The following CSMD1 variants were observed in gnomAD, a reference collection of about 807,000 sequenced individuals.
CSMD1 encodes CUB and sushi domain-containing protein 1.
CSMD1 carries 213 observed loss-of-function variants against 417.5 expected under a neutral mutation model. The ratio of observed to expected loss-of-function variants is 0.51; its 90% CI spans 0.46 to 0.57. The LOEUF is 0.57. Among genes scored for constraint, CSMD1 ranks in the 20% least tolerant of loss-of-function variants. The pLI, the probability that CSMD1 is intolerant of heterozygous loss-of-function variation, is 0.00. For missense variants in CSMD1, 6,923 were observed against 4,529.7 expected (o/e 1.53, Z -15.17); for synonymous variants, 2,862 against 1,736.8 (o/e 1.65, Z -16.11).
At chr8:4,561,783 T>A (rs182279349) in intron 2 of CSMD1, among the ~76,000 whole-genome samples, 22 of 152,292 alleles carry the variant, frequency 1.4e-4, no homozygotes, top group Non-Finnish European at 2.4e-4. Context: ...GATCTCTCAT[T>A]TGACTTGATG....
intron 3 of CSMD1, among the ~76,000 whole-genome samples, chr8:4,121,975 G>T (rs10113089): frequency 6.6e-6 from 1 of 151,928 alleles, no homozygotes; most frequent in African/African-American, 2.4e-5. Flanking sequence ...TAATGCTTAT[G>T]TATAGATTTA....
At chr8:3,874,715 G>T (rs1011055427) in intron 5 of CSMD1, among the ~76,000 whole-genome samples, 3 of 152,124 alleles carry the variant, frequency 2.0e-5, no homozygotes, top group African/African-American at 7.2e-5. Flanking sequence ...AATGCGACTG[G>T]CGCCCACTGC....
Position 4,236,026 on chromosome 8 carries a change from G to GCTTT in CSMD1, c.415+183926_415+183927insAAAG, listed in dbSNP as rs1420352173. Among the ~76,000 whole-genome samples the GCTTT allele has an allele frequency of 1.6e-3, 170 of 108,020 alleles. 1 individual carries two copies. Among genetic ancestry groups the GCTTT allele is most frequent in the Middle Eastern group, 5.2e-3 (1 of 192 alleles). 70.9% of individuals were successfully genotyped at this position (108,020 alleles called of 152,430 possible). A position where few individuals can be genotyped will look rare whatever the true frequency, so the allele number is the denominator to read the frequency against. On this transcript the variant is annotated intron_variant, in intron 3 of 69. Transcript: ENST00000635120. ...GTGAGCAAAGAGGTTAATGGATATTGTTTTTTTTGTTTGTTTTTTTTTTTT... is the reference window on the plus strand; with the variant it reads ...GTGAGCAAAGAGGTTAATGGATATTGCTTTTTTTTTTTGTTTGTTTTTTTTTTTT...
chr8:4,877,368 A>C (rs1387533178), intron 1 of CSMD1, among the ~76,000 whole-genome samples: 1 of 152,104 alleles, frequency 6.6e-6, no homozygotes, highest in Admixed American at 6.6e-5. Context: ...ATTTCTGTTT[A>C]TCATAAAGAA....
chr8:3,340,539 G>C (rs1297435044), intron 23 of CSMD1, among the ~76,000 whole-genome samples: 1 of 152,130 alleles, frequency 6.6e-6, no homozygotes, highest in Non-Finnish European at 1.5e-5. Context: ...AAAGTCTTTT[G>C]AAAATAGCTG....
intron 6 of CSMD1, among the ~76,000 whole-genome samples, chr8:3,720,268 C>A (rs892723917): frequency 6.6e-6 from 1 of 152,020 alleles, no homozygotes; most frequent in Non-Finnish European, 1.5e-5. Flanking sequence ...GCACATCTTA[C>A]CATTTAATCA....
At chr8:4,558,872 T>A (rs1798207770) in intron 2 of CSMD1, among the ~76,000 whole-genome samples, 1 of 151,918 alleles carries the variant, frequency 6.6e-6, no homozygotes, top group South Asian at 2.1e-4. Context: ...CGTCTCAAAA[T>A]AAATAAATAA....
intron 6 of CSMD1, among the ~76,000 whole-genome samples, chr8:3,750,853 T>C (rs775846966): frequency 3.3e-5 from 5 of 152,176 alleles, no homozygotes; most frequent in Non-Finnish European, 7.3e-5. Flanking sequence ...ACAGCAACCA[T>C]ACTGGAGCTT....
chr8:4,573,523 G>A (rs1798987692), intron 2 of CSMD1, among the ~76,000 whole-genome samples: 1 of 152,108 alleles, frequency 6.6e-6, no homozygotes, highest in Non-Finnish European at 1.5e-5. Flanking sequence ...CCTGAGAGAT[G>A]CCATCCGGAG....
chr8:3,261,610 C>T (rs560548514), intron 26 of CSMD1, among the ~76,000 whole-genome samples: 25 of 152,274 alleles, frequency 1.6e-4, no homozygotes, highest in African/African-American at 4.1e-4. Context: ...TGTCCTTCGG[C>T]GGTGAGTGAT....
intron 1 of CSMD1, among the ~76,000 whole-genome samples, chr8:4,939,729 C>G (rs765972972): frequency 3.9e-5 from 6 of 152,112 alleles, no homozygotes; most frequent in Non-Finnish European, 8.8e-5. Context: ...ATCTATTGTA[C>G]AGCACAGAGA....
At chr8:3,533,921 G>T (rs982512082) in intron 10 of CSMD1, among the ~76,000 whole-genome samples, 5 of 152,022 alleles carry the variant, frequency 3.3e-5, no homozygotes, top group Non-Finnish European at 7.3e-5. Context: ...AATCCCTTTG[G>T]TCCACCAATC....
At chr8:4,198,672 G>T (rs1396120871) in intron 3 of CSMD1, among the ~76,000 whole-genome samples, 1 of 151,954 alleles carries the variant, frequency 6.6e-6, no homozygotes, top group Non-Finnish European at 1.5e-5. Flanking sequence ...TTCCAGATGG[G>T]GCTGGTAAAA....
At chr8:4,183,159 G>C (rs57926910) in intron 3 of CSMD1, among the ~76,000 whole-genome samples, 1 of 152,138 alleles carries the variant, frequency 6.6e-6, no homozygotes, top group South Asian at 2.1e-4. Flanking sequence ...TAATTAATGC[G>C]TAAGTGCAGT....
chr8:4,751,091 G>C (rs983893525), intron 1 of CSMD1, among the ~76,000 whole-genome samples: 4 of 152,074 alleles, frequency 2.6e-5, no homozygotes, highest in Non-Finnish European at 4.4e-5. Flanking sequence ...CATCGTTAAA[G>C]AGAGCATGTC....
chr8:4,268,801 T>C (rs1393068035), intron 3 of CSMD1, among the ~76,000 whole-genome samples: 5 of 151,924 alleles, frequency 3.3e-5, no homozygotes, highest in Admixed American at 1.3e-4. Flanking sequence ...ACAAAGGACA[T>C]TATAAAATGG....
At chr8:4,283,007 A>C (rs933720986) in intron 3 of CSMD1, among the ~76,000 whole-genome samples, 2 of 152,248 alleles carry the variant, frequency 1.3e-5, no homozygotes, top group Non-Finnish European at 2.9e-5. Flanking sequence ...TTCTGCCTGC[A>C]TTGTATCCCT....
chr8:3,237,066 T>C (rs1213760417), intron 26 of CSMD1, among the ~76,000 whole-genome samples: 1 of 152,072 alleles, frequency 6.6e-6, no homozygotes, highest in Non-Finnish European at 1.5e-5. Context: ...TGGGTCTGAC[T>C]GTTTCCAACA....
intron 41 of CSMD1, among the ~76,000 whole-genome samples, chr8:3,140,727 A>AG (rs1256881189): frequency 1.4e-5 from 2 of 147,348 alleles, no homozygotes; most frequent in African/African-American, 4.9e-5. Flanking sequence ...AACTATATTA[A>AG]AAAAAAAAAA....
Sources: gnomAD v4.1 joint callset for allele counts (sites outside exome capture counted in the v4.1 genomes callset) on GRCh38, gnomAD v4.1.1 for gene constraint, MANE v1.5 for transcripts, NCBI Gene and HGNC (gene_info 2026-07-23, HGNC 2026-07-21) for gene names.